NSD1: variants seen among roughly 807,000 people sequenced by gnomAD.
NSD1 encodes the protein histone-lysine N-methyltransferase, H3 lysine-36 specific.
In NSD1, 26 loss-of-function variants were observed where a neutral mutation model predicts 242.7. The ratio of observed to expected loss-of-function variants is 0.11; its 90% CI spans 0.08 to 0.15. The LOEUF is 0.15. Ranked by LOEUF, NSD1 falls within the 10% of genes least tolerant of loss-of-function variation. NSD1 has a pLI of 1.00. For missense variants in NSD1, 2,495 were observed against 3,272.8 expected, an observed-to-expected ratio of 0.76 and a Z score of 5.80; for synonymous variants, 1,106 against 1,178.1, an observed-to-expected ratio of 0.94 and a Z score of 1.25.
At chr5:177,285,055 G>A (rs547129384) in intron 20 of NSD1, among the ~76,000 whole-genome samples, 1 of 152,290 alleles carries the variant, frequency 6.6e-6, no homozygotes, top group Admixed American at 6.5e-5. Context: ...CTCTAACGGG[G>A]TAGCGAGATG....
Position 177,299,764 on chromosome 5 carries a change from A to T in NSD1, c.*4305A>T, listed in dbSNP as rs1760475758. ...AGGTGTAAGGTCCTGGAAGTTCAGC[A>T]AAGTTTCGTGGACAAGACATGGGCA... On this transcript the variant is annotated 3_prime_UTR_variant, in exon 23 of 23. Transcript: ENST00000439151. The T allele has an allele frequency of 4.3e-6, 1 of 233,232 alleles. No individual in the cohort carries two copies. Among genetic ancestry groups the T allele is most frequent in the African/African-American group, 2.2e-5 (1 of 45,340 alleles). The allele number at this position is 233,232 out of a possible 1,614,324, so 14.4% of individuals were successfully genotyped here.
intron 2 of NSD1, among the ~76,000 whole-genome samples, chr5:177,169,199 A>G (rs1045451038): frequency 1.3e-5 from 2 of 152,042 alleles, no homozygotes; most frequent in Admixed American, 6.6e-5. Context: ...AGTGCTTTGG[A>G]GCTGCTGCTT....
rs1387870428 is a variant in NSD1, at chr5:177,186,105, A to ATG, written c.928-5778_928-5777insGT. On this transcript the variant is annotated intron_variant, in intron 2 of 22. Coordinates refer to ENST00000439151, the MANE Select transcript of NSD1 (RefSeq NM_022455.5). ...ATATATTATATATAACATATATTAT[A>ATG]TTATATGTATATTTATATATAATAT... Among the ~76,000 whole-genome samples, 116 of 120,764 alleles carry ATG rather than the reference A, an allele frequency of 9.6e-4. 1 individual carries two copies. Among genetic ancestry groups the ATG allele is most frequent in the African/African-American group, 3.3e-3 (105 of 32,114 alleles). The allele number at this position is 120,764 out of a possible 152,430, so 79.2% of individuals were successfully genotyped here. A position where few individuals can be genotyped will look rare whatever the true frequency, so the allele number is the denominator to read the frequency against.
intron 3 of NSD1, among the ~76,000 whole-genome samples, chr5:177,194,840 T>C (rs776761616): frequency 4.6e-5 from 7 of 151,432 alleles, no homozygotes; most frequent in Non-Finnish European, 1.0e-4. Flanking sequence ...TACCTGGGAC[T>C]ACAGGTGCCA....
At position 177,133,820 on chromosome 5, in the gene NSD1, C is replaced by A. The variant is rs1027381982; in HGVS notation, c.-150C>A. 28 of 149,372 alleles carry A rather than the reference C, an allele frequency of 1.9e-4. 1 individual carries two copies. Among genetic ancestry groups the A allele is most frequent in the Admixed American group, 1.7e-3 (25 of 15,146 alleles). The allele number at this position is 149,372 out of a possible 1,614,324, so 9.3% of individuals were successfully genotyped here. A position where few individuals can be genotyped will look rare whatever the true frequency, so the allele number is the denominator to read the frequency against. On this transcript the variant is annotated 5_prime_UTR_variant, in exon 1 of 23. Coordinates refer to ENST00000439151, the MANE Select transcript of NSD1 (RefSeq NM_022455.5). The surrounding 1 kb of genome is among the most constrained non-coding windows in gnomAD (Gnocchi z 6.2). ...GGGCAGGTCGCGCTCGCTGCCTTCT[C>A]CCCTGAAGAGAGACGCGGGGGGAGG...
chr5:177,192,034 G>T lies in NSD1; in HGVS notation c.1063+15G>T. On this transcript the variant is annotated intron_variant, in intron 3 of 22. Coordinates refer to ENST00000439151, the MANE Select transcript of NSD1 (RefSeq NM_022455.5). ...AAAAATGAAAGGTAATACTTGCAGT[G>T]ATTATACATGTTAAAGGCAGTTGCC... 2.5e-6 allele frequency: 4 copies of T among 1,612,918 alleles called. No individual in the cohort carries two copies. The highest frequency in any genetic ancestry group is 3.4e-6 in the Non-Finnish European group (4 of 1,179,256).
At chr5:177,151,774 C>T (rs1245901190) in intron 2 of NSD1, among the ~76,000 whole-genome samples, 1 of 151,880 alleles carries the variant, frequency 6.6e-6, no homozygotes, top group Admixed American at 6.6e-5. Context: ...TCACTGCAGC[C>T]TCAACCTCCC....
At position 177,296,449 on chromosome 5, in the gene NSD1, G is replaced by A; in HGVS notation, c.*990G>A. The A allele has an allele frequency of 4.3e-6, 1 of 233,276 alleles. No individual in the cohort carries two copies. The highest frequency in any genetic ancestry group is 8.5e-6 in the Non-Finnish European group (1 of 118,080). The allele number at this position is 233,276 out of a possible 1,614,324, so 14.5% of individuals were successfully genotyped here. ...TTCAGATTTCAGAGCCTCGGGCAGTGGACATAGGGAATCTCTGGCAAGCTC... is the reference window on the plus strand; with the variant it reads ...TTCAGATTTCAGAGCCTCGGGCAGTAGACATAGGGAATCTCTGGCAAGCTC... On this transcript the variant is annotated 3_prime_UTR_variant, in exon 23 of 23. Coordinates refer to ENST00000439151, the MANE Select transcript of NSD1 (RefSeq NM_022455.5).
intron 5 of NSD1, among the ~76,000 whole-genome samples, chr5:177,216,184 G>C (rs927809206): frequency 1.3e-5 from 2 of 152,026 alleles, no homozygotes; most frequent in Non-Finnish European, 2.9e-5. Context: ...TTTAAATCTT[G>C]TTATTTTTAA....
At chr5:177,266,906 C>A (rs1489868518) in intron 14 of NSD1, among the ~76,000 whole-genome samples, 1 of 152,196 alleles carries the variant, frequency 6.6e-6, no homozygotes, top group Admixed American at 6.5e-5. Flanking sequence ...TTGCTGTCAC[C>A]CTGGCTGGAG....
At chr5:177,278,865 A>G (rs926588329) in intron 17 of NSD1, among the ~76,000 whole-genome samples, 1 of 152,212 alleles carries the variant, frequency 6.6e-6, no homozygotes, top group South Asian at 2.1e-4. Flanking sequence ...GCACAAATCC[A>G]TTATTGTACT....
chr5:177,204,710 A>C (rs1054236326), intron 4 of NSD1, among the ~76,000 whole-genome samples: 1 of 152,102 alleles, frequency 6.6e-6, no homozygotes, highest in Non-Finnish European at 1.5e-5. Context: ...ATATTTTTGA[A>C]ATGTAAGTTA....
chr5:177,273,007 A>G (rs1465841422), intron 16 of NSD1, among the ~76,000 whole-genome samples: 1 of 152,202 alleles, frequency 6.6e-6, no homozygotes, highest in East Asian at 1.9e-4. Context: ...ACAAAGCTTC[A>G]ACTTTGACTT....
chr5:177,136,925 C>T (rs562677696), intron 2 of NSD1: 23 of 700,846 alleles, frequency 3.3e-5, no homozygotes, highest in Middle Eastern at 4.6e-4. Context: ...TGGGCTCATT[C>T]GATCCTCCTG....
intron 14 of NSD1, chr5:177,264,864 C>G: frequency 1.3e-6 from 1 of 764,636 alleles, no homozygotes; most frequent in East Asian, 2.4e-5. Flanking sequence ...ATATGCGAAT[C>G]TATAAGAAAG....
intron 3 of NSD1, among the ~76,000 whole-genome samples, chr5:177,197,190 A>AACTCCCAAGTTT (rs1365264784): frequency 6.6e-6 from 1 of 151,992 alleles, no homozygotes; most frequent in Non-Finnish European, 1.5e-5. Context: ...GGATTGCTTA[A>AACTCCCAAGTTT]ACTTGGGAGG....
chr5:177,293,772 T>C (rs1760045290), intron 22 of NSD1, 60 bp from the exon 23 acceptor site: 3 of 1,583,216 alleles, frequency 1.9e-6, no homozygotes, highest in Non-Finnish European at 2.6e-6. Flanking sequence ...AGCATAGCCT[T>C]GGCCCATGTG....
intron 5 of NSD1, among the ~76,000 whole-genome samples, chr5:177,231,584 C>T (rs367559897): frequency 6.6e-6 from 1 of 152,180 alleles, no homozygotes; most frequent in South Asian, 2.1e-4. Flanking sequence ...TACGCCACTA[C>T]ACAATTTTTT....
chr5:177,222,203 A>G (rs564350821), intron 5 of NSD1, among the ~76,000 whole-genome samples: 1 of 152,176 alleles, frequency 6.6e-6, no homozygotes, highest in East Asian at 1.9e-4. Flanking sequence ...ATCTTGGCTC[A>G]TTTCAAGTTT....
Sources: allele counts gnomAD v4.1 joint callset (sites outside exome capture counted in the v4.1 genomes callset), GRCh38; gene constraint gnomAD v4.1.1; non-coding constraint Gnocchi (gnomAD v3.1); transcripts MANE v1.5; gene names NCBI Gene and HGNC (gene_info 2026-07-23, HGNC 2026-07-21).